The following ATF6 variants were observed in gnomAD, a reference collection of about 807,000 sequenced individuals.
ATF6 encodes the protein cyclic AMP-dependent transcription factor ATF-6 alpha.
A neutral mutation model predicts 83.6 loss-of-function variants in ATF6; 53 were observed. The observed-to-expected ratio is 0.63, with a 90% confidence interval of 0.51 to 0.80. The LOEUF is 0.80. Among genes scored for constraint, ATF6 ranks in the 30% least tolerant of loss-of-function variants. The pLI, the probability that ATF6 is intolerant of heterozygous loss-of-function variation, is 0.00. For missense variants in ATF6, 744 were observed against 797.9 expected (o/e 0.93, Z 0.81); for synonymous variants, 288 against 285.8 (o/e 1.01, Z -0.08).
rs1236692906 is a variant in ATF6, at chr1:161,963,028, G to A, written c.*4374G>A. The A allele has an allele frequency of 6.6e-6, 1 of 152,180 alleles. No homozygotes were observed. Among genetic ancestry groups the A allele is most frequent in the Non-Finnish European group, 1.5e-5 (1 of 68,040 alleles). 9.4% of individuals were successfully genotyped at this position (152,180 alleles called of 1,614,324 possible). ...TTCCCACCCCTAATAACATTTGGAA[G>A]TGAATATTCCCATTTTCTTCCACCC... On this transcript the variant is annotated 3_prime_UTR_variant, in exon 16 of 16. Coordinates refer to ENST00000367942, the MANE Select transcript of ATF6 (RefSeq NM_007348.4).
intron 9 of ATF6, among the ~76,000 whole-genome samples, chr1:161,845,798 TAAGTA>T (rs990258979): frequency 6.7e-6 from 1 of 149,182 alleles, no homozygotes; most frequent in Non-Finnish European, 1.5e-5. Flanking sequence ...AAAAAAAAGT[TAAGTA>T]GGCAGTATTT....
intron 2 of ATF6, among the ~76,000 whole-genome samples, chr1:161,780,898 G>A (rs1333469828): frequency 6.6e-6 from 1 of 151,882 alleles, no homozygotes; most frequent in South Asian, 2.1e-4. Context: ...TTTTTCTTAG[G>A]TAGAGATGGG....
intron 15 of ATF6, among the ~76,000 whole-genome samples, chr1:161,948,657 G>A (rs961346507): frequency 3.9e-5 from 6 of 152,116 alleles, no homozygotes; most frequent in Non-Finnish European, 7.4e-5. Flanking sequence ...TTGAATTCAC[G>A]ATCTCAGATT....
At chr1:161,851,086 C>T (rs1686606219) in intron 10 of ATF6, among the ~76,000 whole-genome samples, 1 of 151,512 alleles carries the variant, frequency 6.6e-6, no homozygotes, top group Admixed American at 6.6e-5. Context: ...TTCGGCTTTT[C>T]AACTCTTTCA....
At chr1:161,778,871 C>T (rs142468873) in intron 2 of ATF6, among the ~76,000 whole-genome samples, 1 of 152,180 alleles carries the variant, frequency 6.6e-6, no homozygotes, top group Admixed American at 6.5e-5. Flanking sequence ...ACATATAAAA[C>T]TCTTTGCCCT....
At chr1:161,796,265 G>T (rs991534098) in intron 6 of ATF6, among the ~76,000 whole-genome samples, 1 of 152,146 alleles carries the variant, frequency 6.6e-6, no homozygotes, top group Non-Finnish European at 1.5e-5. Flanking sequence ...CTTATAAGTT[G>T]CCTAATTCAT....
intron 1 of ATF6, among the ~76,000 whole-genome samples, chr1:161,767,951 G>A (rs1377752430): frequency 1.3e-5 from 2 of 152,200 alleles, no homozygotes; most frequent in East Asian, 1.9e-4. Context: ...CGCCACTCGG[G>A]TTTGAGCGAT....
At chr1:161,848,450 G>A (rs918656664) in intron 10 of ATF6, among the ~76,000 whole-genome samples, 6 of 151,998 alleles carry the variant, frequency 3.9e-5, no homozygotes, top group Non-Finnish European at 7.4e-5. Context: ...TAAAAAATGA[G>A]TAGATTCTAA....
In ATF6 at chr1:161,860,215, G is replaced by A; in HGVS notation, c.1542G>A (p.Leu514=). The change falls in exon 13 of 16, where the codon CTG becomes CTA. Residue 514 remains leucine, a synonymous_variant. Transcript: ENST00000367942. ...TTTTTTTAATATTCCAGGGTGCTCT[G>A]GAACAGGGCTCAAATTCTCAGCTGA... ...QQKTRILQGA[L]EQGSNSQLMA... is the part of the protein sequence containing the mutation. 1 of 1,586,160 alleles carries A rather than the reference G, an allele frequency of 6.3e-7. No homozygotes were observed. The highest frequency in any genetic ancestry group is 1.2e-5 in the South Asian group (1 of 86,454).
In ATF6 at chr1:161,863,191, A is replaced by G; in HGVS notation, c.1605-7A>G. On this transcript the variant is annotated splice_polypyrimidine_tract_variant and splice_region_variant and intron_variant, in intron 13 of 15. Coordinates refer to ENST00000367942, the MANE Select transcript of ATF6 (RefSeq NM_007348.4). ...TTTAGTAATACCTTATATTTTTCTT[A>G]CTTTAGCAGGAACTCAGGGAGTGAG... The G allele has an allele frequency of 1.3e-6, 2 of 1,535,108 alleles. No homozygotes were observed. The highest frequency in any genetic ancestry group is 4.5e-5 in the East Asian group (2 of 44,158).
At chr1:161,925,257 G>A (rs990785807) in intron 15 of ATF6, among the ~76,000 whole-genome samples, 7 of 152,292 alleles carry the variant, frequency 4.6e-5, no homozygotes, top group African/African-American at 1.4e-4. Flanking sequence ...GCATAGTGGA[G>A]GATCTCCTAA....
chr1:161,896,681 T>G (rs939907164), intron 14 of ATF6, among the ~76,000 whole-genome samples: 3 of 152,254 alleles, frequency 2.0e-5, no homozygotes, highest in Non-Finnish European at 4.4e-5. Context: ...ATTTTAGCTT[T>G]ATTATTTAAT....
intron 3 of ATF6, among the ~76,000 whole-genome samples, chr1:161,783,390 C>T (rs1218784840): frequency 6.6e-6 from 1 of 152,060 alleles, no homozygotes; most frequent in African/African-American, 2.4e-5. Flanking sequence ...CTGCCATCCC[C>T]ACCCTATTCT....
intron 9 of ATF6, among the ~76,000 whole-genome samples, chr1:161,833,660 T>C (rs566366504): frequency 3.3e-5 from 5 of 152,194 alleles, no homozygotes; most frequent in Non-Finnish European, 7.3e-5. Flanking sequence ...GTATCAGCGA[T>C]GGAAGACGAA....
At chr1:161,938,071 G>A (rs898787886) in intron 15 of ATF6, among the ~76,000 whole-genome samples, 2 of 151,992 alleles carry the variant, frequency 1.3e-5, no homozygotes, top group African/African-American at 4.8e-5. Flanking sequence ...TTCTACCCTT[G>A]CTTCCTCCTC....
intron 15 of ATF6, among the ~76,000 whole-genome samples, chr1:161,949,662 G>T (rs974745515): frequency 6.6e-6 from 1 of 152,188 alleles, no homozygotes; most frequent in Non-Finnish European, 1.5e-5. Flanking sequence ...GCCTGTGTGT[G>T]CAGAAATCAC....
chr1:161,926,114 A>G (rs1397046227), intron 15 of ATF6, among the ~76,000 whole-genome samples: 1 of 152,204 alleles, frequency 6.6e-6, no homozygotes, highest in African/African-American at 2.4e-5. Flanking sequence ...TTACATTTCA[A>G]AAGATTTCCC....
In ATF6 at chr1:161,784,116, C is replaced by T; in HGVS notation, c.354+20C>T. On this transcript the variant is annotated intron_variant, in intron 4 of 15. Coordinates refer to ENST00000367942, the MANE Select transcript of ATF6 (RefSeq NM_007348.4). Reference sequence around the variant, plus strand: ...GTTCCTGTGAGTAGCCAGTCTTTTACAATGATTTTGGTTATAATATGCTAT... The same window carrying T: ...GTTCCTGTGAGTAGCCAGTCTTTTATAATGATTTTGGTTATAATATGCTAT... 1 of 1,566,960 alleles carries T rather than the reference C, an allele frequency of 6.4e-7. No individual in the cohort carries two copies. The highest frequency in any genetic ancestry group is 8.8e-7 in the Non-Finnish European group (1 of 1,140,356).
chr1:161,795,635 A>G (rs937258420), intron 6 of ATF6, among the ~76,000 whole-genome samples: 7 of 152,266 alleles, frequency 4.6e-5, no homozygotes, highest in African/African-American at 1.4e-4. Flanking sequence ...ATGGCATTGA[A>G]TCCAGCCATG....
Sources: gnomAD v4.1 joint callset for allele counts (sites outside exome capture counted in the v4.1 genomes callset) on GRCh38, gnomAD v4.1.1 for gene constraint, MANE v1.5 for transcripts, NCBI Gene and HGNC (gene_info 2026-07-23, HGNC 2026-07-21) for gene names.